The following MGAT4D variants were observed in gnomAD, a reference collection of about 807,000 sequenced individuals.
The protein encoded by MGAT4D is MGAT4 family member D.
Under a neutral mutation model 15.9 loss-of-function variants are expected in MGAT4D, and 34 were observed. The ratio of observed to expected loss-of-function variants is 2.14; its 90% CI spans 1.62 to 2.84. The LOEUF is 2.84. Among genes scored for constraint, MGAT4D ranks in the 30% most tolerant of loss-of-function variants. The pLI, the probability that MGAT4D is intolerant of heterozygous loss-of-function variation, is 0.00. For missense variants in MGAT4D, 327 were observed against 140.2 expected, an observed-to-expected ratio of 2.33 and a Z score of -6.73; for synonymous variants, 112 against 48.2, an observed-to-expected ratio of 2.33 and a Z score of -5.49.
chr4:140,486,628 G>C (rs1332911955), intron 1 of MGAT4D, among the ~76,000 whole-genome samples: 1 of 152,100 alleles, frequency 6.6e-6, no homozygotes, highest in East Asian at 1.9e-4. Flanking sequence ...GAGATTTCTA[G>C]AATGAGAGCA....
intron 1 of MGAT4D, among the ~76,000 whole-genome samples, chr4:140,494,735 AG>A (rs1413613517): frequency 6.6e-6 from 1 of 152,188 alleles, no homozygotes; most frequent in East Asian, 1.9e-4. Context: ...TTTCTCCCTC[AG>A]GAGACATTTG....
intron 5 of MGAT4D, among the ~76,000 whole-genome samples, chr4:140,470,599 A>G (rs1731864125): frequency 6.6e-6 from 1 of 152,128 alleles, no homozygotes; most frequent in Non-Finnish European, 1.5e-5. Flanking sequence ...CCTTAACTCC[A>G]AATACCCATT....
intron 1 of MGAT4D, among the ~76,000 whole-genome samples, chr4:140,494,736 G>A (rs181774437): frequency 6.6e-6 from 1 of 152,124 alleles, no homozygotes; most frequent in Non-Finnish European, 1.5e-5. Flanking sequence ...TTCTCCCTCA[G>A]GAGACATTTG....
At position 140,446,516 on chromosome 4, in the gene MGAT4D, C is replaced by T. The variant is rs116484807; in HGVS notation, c.1117-3072G>A. On this transcript the variant is annotated intron_variant, in intron 10 of 10. Coordinates refer to ENST00000511113, the MANE Select transcript of MGAT4D (RefSeq NM_001277353.2). Reference sequence around the variant, plus strand: ...ATTTCTGTAGAGTCAGTGGCAATGTCTCCTTTGTCATTTCTAATTGTGTTT... The same window carrying T: ...ATTTCTGTAGAGTCAGTGGCAATGTTTCCTTTGTCATTTCTAATTGTGTTT... Among the ~76,000 whole-genome samples the T allele has an allele frequency of 8.9e-3, 1,358 of 152,122 alleles. 15 individuals are homozygous for T. The highest frequency in any genetic ancestry group is 0.015 in the Non-Finnish European group (1,008 of 67,976).
intron 5 of MGAT4D, among the ~76,000 whole-genome samples, chr4:140,469,963 G>A (rs987042798): frequency 6.6e-6 from 1 of 152,220 alleles, no homozygotes. Context: ...GGTACCGGTT[G>A]GCCTCTGCCT....
At chr4:140,471,176 G>A (rs76895031) in intron 5 of MGAT4D, among the ~76,000 whole-genome samples, 24,462 of 151,922 alleles carry the variant, frequency 0.16, 2,327 homozygotes, top group East Asian at 0.41. Context: ...ACAGGTGTGA[G>A]TCACCATGCC....
intron 7 of MGAT4D, among the ~76,000 whole-genome samples, chr4:140,460,358 T>C (rs1016280822): frequency 6.6e-6 from 1 of 152,190 alleles, no homozygotes; most frequent in Non-Finnish European, 1.5e-5. Context: ...GCTGAAGGCC[T>C]ATTCCTCATA....
intron 1 of MGAT4D, among the ~76,000 whole-genome samples, chr4:140,489,034 G>A (rs933031316): frequency 6.6e-6 from 1 of 152,120 alleles, no homozygotes; most frequent in African/African-American, 2.4e-5. Context: ...ACATTACCCA[G>A]TCTCAGATAT....
intron 3 of MGAT4D, among the ~76,000 whole-genome samples, chr4:140,475,600 C>T (rs1732258609): frequency 7.1e-6 from 1 of 141,076 alleles, no homozygotes; most frequent in Admixed American, 8.0e-5. Context: ...ATAAGGACTT[C>T]CAGAATGGCT....
At position 140,461,944 on chromosome 4, in the gene MGAT4D, G is replaced by A. The variant is rs1731213120; in HGVS notation, c.747C>T (p.Ala249=). Residue 249 remains alanine (A), a synonymous_variant, in exon 7 of 11, where the codon GCC becomes GCT. Transcript: ENST00000511113. ...AATTTCTGACCTGTAAATAATACTT[G>A]GCCTTGGGTTGGGCATACAGCAACA... ...CILLLYAQPK[A]KYYLQLEDDI... 1 of 696,552 alleles carries A rather than the reference G, an allele frequency of 1.4e-6. No homozygotes were observed. Among genetic ancestry groups the A allele is most frequent in the Non-Finnish European group, 2.6e-6 (1 of 382,280 alleles). 43.1% of individuals were successfully genotyped at this position (696,552 alleles called of 1,614,324 possible).
chr4:140,448,488 C>A (rs1375690480), intron 10 of MGAT4D, among the ~76,000 whole-genome samples: 3 of 152,096 alleles, frequency 2.0e-5, no homozygotes, highest in African/African-American at 4.8e-5. Flanking sequence ...TTTGTCTGTT[C>A]TACTGTTAAT....
intron 3 of MGAT4D, among the ~76,000 whole-genome samples, chr4:140,476,088 A>T (rs1163459625): frequency 6.6e-6 from 1 of 152,118 alleles, no homozygotes; most frequent in Non-Finnish European, 1.5e-5. Context: ...CTGGGATTAC[A>T]GGCATGTGCC....
At chr4:140,497,133 C>T (rs867679042) in intron 1 of MGAT4D, among the ~76,000 whole-genome samples, 2 of 152,166 alleles carry the variant, frequency 1.3e-5, no homozygotes, top group African/African-American at 4.8e-5. Flanking sequence ...CATGAAGCCA[C>T]TCCCAAACTT....
intron 1 of MGAT4D, among the ~76,000 whole-genome samples, chr4:140,487,929 A>G (rs1733249806): frequency 6.6e-6 from 1 of 152,216 alleles, no homozygotes; most frequent in South Asian, 2.1e-4. Context: ...GCCTCACCCC[A>G]GACTTCAGAT....
intron 1 of MGAT4D, among the ~76,000 whole-genome samples, chr4:140,489,347 T>G (rs1199250762): frequency 6.6e-6 from 1 of 152,170 alleles, no homozygotes; most frequent in Non-Finnish European, 1.5e-5. Flanking sequence ...GGCCCCTCTG[T>G]GCATTAGGTT....
intron 1 of MGAT4D, among the ~76,000 whole-genome samples, chr4:140,490,518 G>T (rs1404683328): frequency 2.6e-5 from 4 of 152,174 alleles, no homozygotes; most frequent in Non-Finnish European, 5.9e-5. Context: ...GGCCAGACTG[G>T]AAGCCCTCCA....
At chr4:140,444,351 C>T (rs1451227245) in intron 10 of MGAT4D, among the ~76,000 whole-genome samples, 1 of 152,076 alleles carries the variant, frequency 6.6e-6, no homozygotes, top group South Asian at 2.1e-4. Context: ...AGTTATTTTT[C>T]CTGATCCTTT....
At chr4:140,475,660 C>CAAAAA (rs1162390812) in intron 3 of MGAT4D, among the ~76,000 whole-genome samples, 5,892 of 52,322 alleles carry the variant, frequency 0.11, 176 homozygotes, top group Admixed American at 0.15. Context: ...AATAAAACTG[C>CAAAAA]AAAAAAAAAA....
intron 7 of MGAT4D, among the ~76,000 whole-genome samples, chr4:140,460,728 T>C (rs962678763): frequency 1.3e-5 from 2 of 152,148 alleles, no homozygotes; most frequent in Non-Finnish European, 2.9e-5. Context: ...TCCCAGCTAC[T>C]TGAGGCTTCA....
Sources: gnomAD v4.1 joint callset for allele counts (sites outside exome capture counted in the v4.1 genomes callset) on GRCh38, gnomAD v4.1.1 for gene constraint, MANE v1.5 for transcripts, NCBI Gene and HGNC (gene_info 2026-07-23, HGNC 2026-07-21) for gene names.